The following SLC8A1 variants were observed in gnomAD, a reference collection of about 807,000 sequenced individuals.
The protein encoded by SLC8A1 is sodium/calcium exchanger 1.
In SLC8A1, 18 loss-of-function variants were observed where a neutral mutation model predicts 68.3. That is an observed-to-expected ratio of 0.26 (90% CI 0.18 to 0.39). The LOEUF is 0.39. Ranked by LOEUF, SLC8A1 falls within the 10% of genes least tolerant of loss-of-function variation. The pLI, the probability that SLC8A1 is intolerant of heterozygous loss-of-function variation, is 1.00. For missense variants in SLC8A1, 985 were observed against 1,156.7 expected (o/e 0.85, Z 2.15); for synonymous variants, 475 against 415.5 (o/e 1.14, Z -1.74).
intron 1 of SLC8A1, among the ~76,000 whole-genome samples, chr2:40,495,874 G>A (rs1705661679): frequency 6.6e-6 from 1 of 151,976 alleles, no homozygotes; most frequent in Admixed American, 6.6e-5. Flanking sequence ...ATAGGATTAG[G>A]CTTCGTCATA....
chr2:40,374,758 G>T (rs528013835), intron 2 of SLC8A1, among the ~76,000 whole-genome samples: 2 of 152,010 alleles, frequency 1.3e-5, no homozygotes, highest in African/African-American at 2.4e-5. Context: ...GCCTCTAAAA[G>T]ATTATTCTAG....
intron 1 of SLC8A1, among the ~76,000 whole-genome samples, chr2:40,445,584 T>C (rs1559714448): frequency 6.6e-6 from 1 of 152,200 alleles, no homozygotes; most frequent in African/African-American, 2.4e-5. Context: ...TTGTAAAATA[T>C]AAACACAAAG....
chr2:40,162,383 C>T (rs1398653386), intron 5 of SLC8A1, among the ~76,000 whole-genome samples: 3 of 152,210 alleles, frequency 2.0e-5, no homozygotes, highest in Admixed American at 6.5e-5. Flanking sequence ...AAACTTGGGA[C>T]AGTTCTCTCC....
chr2:40,334,182 C>T (rs900717192), intron 2 of SLC8A1, among the ~76,000 whole-genome samples: 1 of 152,272 alleles, frequency 6.6e-6, no homozygotes, highest in East Asian at 1.9e-4. Flanking sequence ...ATCCACCTGC[C>T]TTGTTTCTGA....
intron 6 of SLC8A1, among the ~76,000 whole-genome samples, chr2:40,156,843 G>A (rs185013130): frequency 3.3e-5 from 5 of 151,948 alleles, no homozygotes; most frequent in Non-Finnish European, 7.4e-5. Context: ...GTCTGTGTTC[G>A]CACAATGCAT....
chr2:40,505,885 C>G (rs115625317), intron 1 of SLC8A1, among the ~76,000 whole-genome samples: 1 of 151,910 alleles, frequency 6.6e-6, no homozygotes, highest in Non-Finnish European at 1.5e-5. Flanking sequence ...AATTAATTCC[C>G]TTAGATAAAT....
Position 40,288,834 on chromosome 2 carries a change from C to CATATATATATATATATATATATATAT in SLC8A1, c.1809-110980_1809-110979insATATATATATATATATATATATATAT, listed in dbSNP as rs145077257. Reference sequence around the variant, plus strand: ...TTCGAAAATGTCTCTACTAAGTAATCATATATATATATATATATGTATATA... The same window carrying CATATATATATATATATATATATATAT: ...TTCGAAAATGTCTCTACTAAGTAATCATATATATATATATATATATATATATATATATATATATATATATGTATATA... On this transcript the variant is annotated intron_variant, in intron 2 of 7. Coordinates refer to ENST00000406785, the Ensembl canonical transcript of SLC8A1. Among the ~76,000 whole-genome samples the CATATATATATATATATATATATATAT allele has an allele frequency of 3.9e-3, 517 of 132,300 alleles. 18 individuals carry two copies. Among genetic ancestry groups the CATATATATATATATATATATATATAT allele is most frequent in the African/African-American group, 0.017 (498 of 29,050 alleles). The allele number at this position is 132,300 out of a possible 152,430, so 86.8% of individuals were successfully genotyped here. A position where few individuals can be genotyped will look rare whatever the true frequency, so the allele number is the denominator to read the frequency against.
intron 2 of SLC8A1, among the ~76,000 whole-genome samples, chr2:40,278,665 C>G (rs1423187290): frequency 1.3e-5 from 2 of 152,040 alleles, no homozygotes; most frequent in Non-Finnish European, 2.9e-5. Context: ...ATTGTGGTCT[C>G]TCCTTCATTT....
At chr2:40,500,741 C>A (rs866850121) in intron 1 of SLC8A1, among the ~76,000 whole-genome samples, 2 of 135,508 alleles carry the variant, frequency 1.5e-5, no homozygotes, top group Non-Finnish European at 3.1e-5. Context: ...TATAATTGTT[C>A]TGATAATCAA....
At chr2:40,112,685 G>A (rs904486457) in exon 8 of SLC8A1, 2 of 151,764 alleles carry the variant, frequency 1.3e-5, no homozygotes, top group East Asian at 3.8e-4. Context: ...AGGATGGGAA[G>A]GATGGGTTAG....
At chr2:40,106,456 T>A (rs889566059) in exon 8 of SLC8A1, 2 of 151,736 alleles carry the variant, frequency 1.3e-5, no homozygotes, top group Non-Finnish European at 2.9e-5. Context: ...TCCTTTTTGA[T>A]AAGAAAGGTT....
At chr2:40,190,227 C>A (rs779810221) in intron 2 of SLC8A1, among the ~76,000 whole-genome samples, 1 of 152,200 alleles carries the variant, frequency 6.6e-6, no homozygotes, top group Non-Finnish European at 1.5e-5. Context: ...TTCCACTCAA[C>A]TTCAGCCCTC....
intron 7 of SLC8A1, among the ~76,000 whole-genome samples, chr2:40,127,785 G>T (rs554706911): frequency 6.6e-6 from 1 of 152,152 alleles, no homozygotes; most frequent in Non-Finnish European, 1.5e-5. Context: ...TCGAGGGAGA[G>T]AAAACAAATA....
chr2:40,295,975 G>A (rs979584656), intron 2 of SLC8A1, among the ~76,000 whole-genome samples: 1 of 152,146 alleles, frequency 6.6e-6, no homozygotes, highest in African/African-American at 2.4e-5. Flanking sequence ...GGTATAGAGA[G>A]AAAGGCATTT....
chr2:40,229,901 A>G (rs2059441269), intron 2 of SLC8A1, among the ~76,000 whole-genome samples: 1 of 152,232 alleles, frequency 6.6e-6, no homozygotes, highest in Admixed American at 6.5e-5. Context: ...TTATAGCAAT[A>G]GCAAAAGATA....
chr2:40,296,979 A>G (rs1280198733), intron 2 of SLC8A1, among the ~76,000 whole-genome samples: 3 of 152,120 alleles, frequency 2.0e-5, no homozygotes, highest in African/African-American at 7.2e-5. Flanking sequence ...GAGCTACATA[A>G]TCCAGCCCTC....
intron 2 of SLC8A1, among the ~76,000 whole-genome samples, chr2:40,317,239 A>T (rs1161440714): frequency 6.6e-6 from 1 of 152,036 alleles, no homozygotes; most frequent in African/African-American, 2.4e-5. Context: ...CCTCTCTGTT[A>T]TTTATTACTG....
chr2:40,438,582 T>C (rs1355676314), intron 1 of SLC8A1, among the ~76,000 whole-genome samples: 1 of 152,100 alleles, frequency 6.6e-6, no homozygotes, highest in Non-Finnish European at 1.5e-5. Flanking sequence ...TGACCATTAA[T>C]ACTAGGAAGA....
chr2:40,211,598 C>T (rs1008683500), intron 2 of SLC8A1, among the ~76,000 whole-genome samples: 1 of 152,118 alleles, frequency 6.6e-6, no homozygotes, highest in African/African-American at 2.4e-5. Flanking sequence ...CCCTCAGGGA[C>T]AATGAGAAAA....
Sources: gnomAD v4.1 joint callset for allele counts (sites outside exome capture counted in the v4.1 genomes callset) on GRCh38, gnomAD v4.1.1 for gene constraint, MANE v1.5 for transcripts, NCBI Gene and HGNC (gene_info 2026-07-23, HGNC 2026-07-21) for gene names.